The following CRYL1 variants were observed in gnomAD, a reference collection of about 807,000 sequenced individuals.
CRYL1 encodes the protein lambda-crystallin homolog.
In CRYL1, 29 loss-of-function variants were observed where a neutral mutation model predicts 36.6. The ratio of observed to expected loss-of-function variants is 0.79; its 90% CI spans 0.59 to 1.08. The LOEUF is 1.08. Ranked by LOEUF, CRYL1 falls within the 50% of genes least tolerant of loss-of-function variation. The pLI is 0.00. For missense variants in CRYL1, 411 were observed against 407.9 expected, an observed-to-expected ratio of 1.01 and a Z score of -0.06; for synonymous variants, 152 against 151.5, an observed-to-expected ratio of 1.00 and a Z score of -0.02.
chr13:20,435,759 C>T lies in CRYL1; in HGVS notation c.439-3463G>A, dbSNP rs1246797325. The stretch of plus-strand genomic sequence containing the variant: ...GACGCATTCTTCCCCGCCGCCCGGG[C>T]CCCATGTGACCGCGCCGACAGCGCG... On this transcript the variant is annotated intron_variant, in intron 4 of 7. Transcript: ENST00000298248. This position sits in a 1 kb window ranked among gnomAD's most constrained non-coding sequence, Gnocchi z 4.0. Among the ~76,000 whole-genome samples, 1 of 152,338 alleles carries T rather than the reference C, an allele frequency of 6.6e-6. No individual in the cohort carries two copies. The highest frequency in any genetic ancestry group is 2.4e-5 in the African/African-American group (1 of 41,592).
intron 3 of CRYL1, among the ~76,000 whole-genome samples, chr13:20,488,878 T>C (rs1212553938): frequency 5.9e-5 from 9 of 152,224 alleles, no homozygotes; most frequent in Non-Finnish European, 1.2e-4. Context: ...TCCAGGCTCA[T>C]CCCGCTGTGC....
At chr13:20,472,838 A>T (rs2033089980) in intron 3 of CRYL1, 1 of 152,450 alleles carries the variant, frequency 6.6e-6, no homozygotes, top group Non-Finnish European at 1.5e-5. Context: ...CTGGGGAGAA[A>T]GGAGGCACCC....
rs1366756706 is a variant in CRYL1 at position 20,411,331 on chromosome 13, T to C, written c.739+1951A>G. 2.0e-5 allele frequency among the ~76,000 whole-genome samples: 3 copies of C among 152,314 alleles called. No individual in the cohort carries two copies. In the East Asian group the frequency reaches 5.8e-4, roughly 29 times the overall value. On this transcript the variant is annotated intron_variant, in intron 6 of 7. Transcript: ENST00000298248. ...ATCGTATCTGCTTTGTTTGAAAAAT[T>C]GTTATGGGCCTCCTTCCTGTCTGCC...
chr13:20,483,467 G>A lies in CRYL1; in HGVS notation c.276+5903C>T, dbSNP rs562640662. Among the ~76,000 whole-genome samples the A allele has an allele frequency of 9.9e-4, 150 of 152,130 alleles. 1 individual carries two copies. Among genetic ancestry groups the A allele is most frequent in the African/African-American group, 3.5e-3 (144 of 41,514 alleles). On this transcript the variant is annotated intron_variant, in intron 3 of 7. Coordinates refer to ENST00000298248, the MANE Select transcript of CRYL1 (RefSeq NM_015974.3). ...TGACCATATCATCAACATGAAGTCA[G>A]CTTTCTCACTTGGACTGTAACGTAC... is the stretch of plus-strand genomic sequence containing the variant.
chr13:20,470,317 C>A (rs927270007), intron 3 of CRYL1, among the ~76,000 whole-genome samples: 2 of 152,200 alleles, frequency 1.3e-5, no homozygotes, highest in Non-Finnish European at 2.9e-5. Context: ...AATGTGCTTC[C>A]CCAGAATGCA....
Position 20,525,704 on chromosome 13 carries a change from C to T in CRYL1, c.41+50G>A, listed in dbSNP as rs909713452. 6 of 1,324,220 alleles carry T rather than the reference C, an allele frequency of 4.5e-6. No homozygotes were observed. In the African/African-American group the frequency reaches 4.6e-5, roughly 10 times the overall value. The allele number at this position is 1,324,220 out of a possible 1,614,324, so 82.0% of individuals were successfully genotyped here. ...GCCCCACGCGAGGGCACCACGTCCC[C>T]GGCGTCTCCCCGGGCTCCAGGGGCA... On this transcript the variant is annotated intron_variant, in intron 1 of 7. Transcript: ENST00000298248. The surrounding 1 kb of genome is among the most constrained non-coding windows in gnomAD (Gnocchi z 4.3).
intron 1 of CRYL1, among the ~76,000 whole-genome samples, chr13:20,518,229 G>C (rs1565991924): frequency 1.3e-5 from 2 of 152,126 alleles, no homozygotes; most frequent in African/African-American, 4.8e-5. Context: ...GCTCATAGTA[G>C]GTAGGCAGAC....
intron 3 of CRYL1, among the ~76,000 whole-genome samples, chr13:20,453,614 AT>A (rs1049918455): frequency 4.9e-4 from 74 of 152,242 alleles, no homozygotes; most frequent in African/African-American, 1.7e-3. Context: ...AAAAAAGCAA[AT>A]TAAATACAAA....
chr13:20,511,748 G>A (rs2033921262), intron 2 of CRYL1, among the ~76,000 whole-genome samples: 1 of 152,152 alleles, frequency 6.6e-6, no homozygotes, highest in Non-Finnish European at 1.5e-5. Context: ...GGTGCTCCAC[G>A]CCAGTGCCTT....
intron 3 of CRYL1, among the ~76,000 whole-genome samples, chr13:20,444,706 A>C (rs1195659177): frequency 6.6e-6 from 1 of 152,216 alleles, no homozygotes; most frequent in African/African-American, 2.4e-5. Context: ...ATAAGGAACA[A>C]GTGAGAGTTT....
intron 3 of CRYL1, among the ~76,000 whole-genome samples, chr13:20,440,777 C>T (rs2032332914): frequency 6.6e-6 from 1 of 152,182 alleles, no homozygotes; most frequent in Admixed American, 6.5e-5. Context: ...AAAAGATCTC[C>T]ATTTCCAAAA....
intron 3 of CRYL1, among the ~76,000 whole-genome samples, chr13:20,477,227 C>T (rs943667255): frequency 6.6e-6 from 1 of 152,042 alleles, no homozygotes; most frequent in Non-Finnish European, 1.5e-5. Flanking sequence ...ACTCGGGAGA[C>T]TGAGGTGGGA....
At chr13:20,441,536 T>C (rs1399993437) in intron 3 of CRYL1, among the ~76,000 whole-genome samples, 1 of 152,152 alleles carries the variant, frequency 6.6e-6, no homozygotes, top group Non-Finnish European at 1.5e-5. Context: ...CATCTCATGG[T>C]CTCTAACCAC....
intron 3 of CRYL1, among the ~76,000 whole-genome samples, chr13:20,464,431 A>G (rs990621352): frequency 3.9e-5 from 6 of 152,202 alleles, no homozygotes; most frequent in Admixed American, 3.3e-4. Context: ...ATAAAATTTA[A>G]AGCATACAAA....
At chr13:20,424,044 C>T (rs2031879273) in intron 5 of CRYL1, among the ~76,000 whole-genome samples, 1 of 152,120 alleles carries the variant, frequency 6.6e-6, no homozygotes, top group Non-Finnish European at 1.5e-5. Context: ...GCTGGGATTA[C>T]AGGTGTGAGC....
At position 20,427,110 on chromosome 13, in the gene CRYL1, T is replaced by C. The variant is rs932841026; in HGVS notation, c.633+4992A>G. 1.3e-5 allele frequency: 13 copies of C among 985,372 alleles called. No homozygotes were observed. In the African/African-American group the frequency reaches 2.3e-4, roughly 17 times the overall value. 61.0% of individuals were successfully genotyped at this position (985,372 alleles called of 1,614,324 possible). On this transcript the variant is annotated intron_variant, in intron 5 of 7. Coordinates refer to ENST00000298248, the MANE Select transcript of CRYL1 (RefSeq NM_015974.3). ...TAGCTACTGTCCAGCCAAAAGTCTA[T>C]TGTCACAACACAATGTCCTTCATTA...
At chr13:20,464,714 T>A (rs1160597513) in intron 3 of CRYL1, among the ~76,000 whole-genome samples, 2 of 152,268 alleles carry the variant, frequency 1.3e-5, no homozygotes, top group African/African-American at 4.8e-5. Flanking sequence ...GAATTTTTTT[T>A]ATTGCTCTCA....
Position 20,439,619 on chromosome 13 carries a change from C to G in CRYL1, c.412G>C (p.Val138Leu). Residue 138 changes from valine to leucine, a missense_variant, in exon 4 of 8, where the codon GTG (valine) becomes CTG (leucine). Coordinates refer to ENST00000298248, the MANE Select transcript of CRYL1 (RefSeq NM_015974.3). ...PSKLFAGLVH[V>L]KQCIVAHPVN... ...GGATGAGCCACGATGCATTGCTTCA[C>G]ATGGACCAAGCCAGCAAACAACTTG... 1 of 1,607,554 alleles carries G rather than the reference C, an allele frequency of 6.2e-7. No individual in the cohort carries two copies. Among genetic ancestry groups the G allele is most frequent in the South Asian group, 1.1e-5 (1 of 90,914 alleles).
At chr13:20,449,892 T>A (rs1224368732) in intron 3 of CRYL1, among the ~76,000 whole-genome samples, 1 of 151,862 alleles carries the variant, frequency 6.6e-6, no homozygotes, top group Non-Finnish European at 1.5e-5. Flanking sequence ...ACCAAGGAGG[T>A]GAAAGATCTC....
Sources: allele counts gnomAD v4.1 joint callset (sites outside exome capture counted in the v4.1 genomes callset), GRCh38; gene constraint gnomAD v4.1.1; non-coding constraint Gnocchi (gnomAD v3.1); transcripts MANE v1.5; gene names NCBI Gene and HGNC (gene_info 2026-07-23, HGNC 2026-07-21).